The following IFT81 variants were observed in gnomAD, a reference collection of about 807,000 sequenced individuals.
IFT81 encodes intraflagellar transport protein 81 homolog.
IFT81 carries 72 observed loss-of-function variants against 102.6 expected under a neutral mutation model. That is an observed-to-expected ratio of 0.70 (90% CI 0.58 to 0.85). The LOEUF is 0.85. Ranked by LOEUF, IFT81 falls within the 40% of genes least tolerant of loss-of-function variation. The pLI is 0.00. For missense variants in IFT81, 723 were observed against 787.3 expected, an observed-to-expected ratio of 0.92 and a Z score of 0.98; for synonymous variants, 237 against 242.7, an observed-to-expected ratio of 0.98 and a Z score of 0.22.
chr12:110,211,718 G>A (rs1869468973), intron 18 of IFT81, among the ~76,000 whole-genome samples: 2 of 151,674 alleles, frequency 1.3e-5, no homozygotes, highest in Admixed American at 1.3e-4. Flanking sequence ...TGTTGCCCAG[G>A]CTGGTCTCAA....
At chr12:110,165,998 G>T (rs1377187648) in intron 11 of IFT81, among the ~76,000 whole-genome samples, 1 of 152,198 alleles carries the variant, frequency 6.6e-6, no homozygotes, top group Non-Finnish European at 1.5e-5. Flanking sequence ...CTAGAACTTG[G>T]TTGTTTGAGT....
intron 11 of IFT81, among the ~76,000 whole-genome samples, chr12:110,178,274 C>T (rs1287955609): frequency 1.3e-5 from 2 of 151,896 alleles, no homozygotes; most frequent in Non-Finnish European, 2.9e-5. Flanking sequence ...ATTAGCCTGG[C>T]ATGGTAGCAG....
chr12:110,166,414 A>C (rs931119468), intron 11 of IFT81, among the ~76,000 whole-genome samples: 1 of 152,190 alleles, frequency 6.6e-6, no homozygotes, highest in Admixed American at 6.5e-5. Context: ...CAGTTACTGC[A>C]TGCTCAGTCT....
At chr12:110,176,622 A>G (rs575066400) in intron 11 of IFT81, among the ~76,000 whole-genome samples, 11 of 152,328 alleles carry the variant, frequency 7.2e-5, no homozygotes, top group African/African-American at 2.4e-4. Flanking sequence ...GAAACCACCA[A>G]TGGAAGAAAA....
At chr12:110,174,281 A>G (rs1489203688) in intron 11 of IFT81, among the ~76,000 whole-genome samples, 2 of 136,136 alleles carry the variant, frequency 1.5e-5, no homozygotes, top group Non-Finnish European at 3.1e-5. Flanking sequence ...CCGTCTCAAA[A>G]AAAAAAAAAA....
chr12:110,189,270 T>C (rs375653821), intron 12 of IFT81, among the ~76,000 whole-genome samples: 33 of 152,272 alleles, frequency 2.2e-4, no homozygotes, highest in African/African-American at 7.9e-4. Flanking sequence ...CCCTCTTATA[T>C]TGTGACAACT....
At chr12:110,180,639 A>G in intron 12 of IFT81, 68 bp downstream of exon 12, 1 of 1,132,882 alleles carries the variant, frequency 8.8e-7, no homozygotes, top group Non-Finnish European at 1.2e-6. Flanking sequence ...ACAGCTTTAT[A>G]CTGAAGTCAT....
chr12:110,134,906 G>A, intron 5 of IFT81, 42 bp from the exon 6 acceptor site: 1 of 1,430,042 alleles, frequency 7.0e-7, no homozygotes, highest in Non-Finnish European at 9.8e-7. Context: ...CCTACAGACT[G>A]AGAATACTTT....
intron 8 of IFT81, among the ~76,000 whole-genome samples, chr12:110,138,511 C>T (rs1008422763): frequency 1.3e-5 from 2 of 151,884 alleles, no homozygotes; most frequent in African/African-American, 2.4e-5. Context: ...TAGCTCACCG[C>T]AGCCTCCGCC....
intron 18 of IFT81, among the ~76,000 whole-genome samples, chr12:110,214,800 T>C (rs183472808): frequency 6.4e-4 from 98 of 152,312 alleles, no homozygotes; most frequent in Admixed American, 4.8e-3. Flanking sequence ...AAGGAAATTA[T>C]TCCAATGATA....
Position 110,135,443 on chromosome 12 carries a change from C to T in IFT81, c.696+6C>T. 6.6e-7 allele frequency: 1 copy of T among 1,520,228 alleles called. No homozygotes were observed. Among genetic ancestry groups the T allele is most frequent in the Non-Finnish European group, 9.1e-7 (1 of 1,099,862 alleles). The allele number at this position is 1,520,228 out of a possible 1,614,324, so 94.2% of individuals were successfully genotyped here. On this transcript the variant is annotated splice_donor_region_variant and intron_variant, in intron 7 of 18. Transcript: ENST00000242591. ...AACAGGAACAAAAGAATCAGGTATC[C>T]ACATAAAAGTTTATATTCTCAGTAT...
At chr12:110,192,003 T>C (rs548214510) in intron 13 of IFT81, among the ~76,000 whole-genome samples, 5 of 152,016 alleles carry the variant, frequency 3.3e-5, no homozygotes, top group African/African-American at 1.2e-4. Context: ...AAATCCCGTC[T>C]CTACTAAAAA....
Position 110,157,206 on chromosome 12 carries a change from G to A in IFT81, c.1042-5713G>A, listed in dbSNP as rs371863520. ...CTACCAAAAAATACAAAAATTAGCC[G>A]GGGGTGGTGGCGTGTGCCTGTAGTT... On this transcript the variant is annotated intron_variant, in intron 10 of 18. Coordinates refer to ENST00000242591, the MANE Select transcript of IFT81 (RefSeq NM_014055.4). Among the ~76,000 whole-genome samples, 392 of 152,050 alleles carry A rather than the reference G, an allele frequency of 2.6e-3. 2 individuals carry two copies. Among genetic ancestry groups the A allele is most frequent in the South Asian group, 0.015 (70 of 4,806 alleles).
chr12:110,160,294 G>A (rs1001040262), intron 10 of IFT81, among the ~76,000 whole-genome samples: 1 of 152,190 alleles, frequency 6.6e-6, no homozygotes, highest in Non-Finnish European at 1.5e-5. Context: ...TAGCGGCTCA[G>A]TCCAAGGCCA....
At position 110,197,555 on chromosome 12, in the gene IFT81, C is replaced by CATATATAT. The variant is rs141544205; in HGVS notation, c.1557+4871_1557+4878dup. On this transcript the variant is annotated intron_variant, in intron 14 of 18. Coordinates refer to ENST00000242591, the MANE Select transcript of IFT81 (RefSeq NM_014055.4). Reference sequence around the variant, plus strand: ...ATATTATTTATTCTTAGGTTTTTATCATATATATATATATATATATATATA... The same window carrying CATATATAT: ...ATATTATTTATTCTTAGGTTTTTATCATATATATATATATATATATATATATATATATA... 1.7e-3 allele frequency among the ~76,000 whole-genome samples: 184 copies of CATATATAT among 108,790 alleles called. 1 individual carries two copies. Among genetic ancestry groups the CATATATAT allele is most frequent in the Middle Eastern group, 5.0e-3 (1 of 202 alleles). 71.4% of individuals were successfully genotyped at this position (108,790 alleles called of 152,430 possible).
intron 8 of IFT81, among the ~76,000 whole-genome samples, chr12:110,139,822 TA>T (rs1894758032): frequency 9.1e-6 from 1 of 109,876 alleles, no homozygotes; most frequent in African/African-American, 3.8e-5. Context: ...ATAAAATAAA[TA>T]AAATAAAATA....
At chr12:110,206,709 G>T (rs1278374923) in intron 17 of IFT81, among the ~76,000 whole-genome samples, 9 of 151,136 alleles carry the variant, frequency 6.0e-5, no homozygotes, top group Non-Finnish European at 7.4e-5. Flanking sequence ...AAGAAATAGA[G>T]TGTCTTGCAG....
intron 9 of IFT81, among the ~76,000 whole-genome samples, chr12:110,144,969 GA>G (rs1450933947): frequency 4.8e-5 from 7 of 147,206 alleles, no homozygotes; most frequent in African/African-American, 1.8e-4. Context: ...GGGTTCAAGC[GA>G]TTCTTCTACC....
At chr12:110,162,852 A>T in intron 10 of IFT81, 67 bp from the exon 11 acceptor site, 2 of 1,364,420 alleles carry the variant, frequency 1.5e-6, no homozygotes, top group Admixed American at 4.6e-5. Context: ...AAAAATAGAT[A>T]ATTTCACAAG....
Sources: allele counts gnomAD v4.1 joint callset (sites outside exome capture counted in the v4.1 genomes callset), GRCh38; gene constraint gnomAD v4.1.1; transcripts MANE v1.5; gene names NCBI Gene and HGNC (gene_info 2026-07-23, HGNC 2026-07-21).